The following CMIP variants were observed in gnomAD, a reference collection of about 807,000 sequenced individuals.
CMIP encodes the protein C-Maf-inducing protein.
In CMIP, 13 loss-of-function variants were observed where a neutral mutation model predicts 97.3. The observed-to-expected ratio is 0.13, with a 90% CI of 0.09 to 0.21. CMIP has a LOEUF of 0.21. Among genes scored for constraint, CMIP ranks in the 10% least tolerant of loss-of-function variants. The pLI, the probability that CMIP is intolerant of heterozygous loss-of-function variation, is 1.00. For missense variants in CMIP, 847 were observed against 1,024.9 expected (o/e 0.83, Z 2.37); for synonymous variants, 538 against 436.3 (o/e 1.23, Z -2.91).
rs1182125958 is a variant in CMIP at position 81,530,006 on chromosome 16, A to G, written c.301-77561A>G. Among the ~76,000 whole-genome samples, 3 of 152,228 alleles carry G rather than the reference A, an allele frequency of 2.0e-5. No individual in the cohort carries two copies. In the East Asian group the frequency reaches 5.8e-4, roughly 29 times the overall value. On this transcript the variant is annotated intron_variant, in intron 1 of 20. Coordinates refer to ENST00000537098, the MANE Select transcript of CMIP (RefSeq NM_198390.3). ...TGAAAACCTTTGTACGAGGGTCCGC[A>G]TTAACAGTGAGAGGATAGGGTTTTT...
At chr16:81,511,945 T>C (rs1274387882) in intron 1 of CMIP, among the ~76,000 whole-genome samples, 1 of 152,210 alleles carries the variant, frequency 6.6e-6, no homozygotes, top group Non-Finnish European at 1.5e-5. Flanking sequence ...GAGGTCCTCA[T>C]TGAGATGTGC....
rs186954137 is a variant in CMIP, at chr16:81,550,940, T to C, written c.301-56627T>C. ...CCAGTTCCGTCACATATATCCCAGT[T>C]CCGTCACACACACCCCAGTCCCGTC... On this transcript the variant is annotated intron_variant, in intron 1 of 20. Transcript: ENST00000537098. 2.1e-3 allele frequency among the ~76,000 whole-genome samples: 273 copies of C among 132,656 alleles called. 1 individual carries two copies. The highest frequency in any genetic ancestry group is 7.8e-3 in the African/African-American group (262 of 33,752). 87.0% of individuals were successfully genotyped at this position (132,656 alleles called of 152,430 possible).
intron 20 of CMIP, among the ~76,000 whole-genome samples, chr16:81,708,345 A>G (rs1908382989): frequency 6.6e-6 from 1 of 152,224 alleles, no homozygotes; most frequent in South Asian, 2.1e-4. Flanking sequence ...AGGCCACCCC[A>G]GGTAACCCCA....
chr16:81,530,169 A>G (rs936569914), intron 1 of CMIP, among the ~76,000 whole-genome samples: 3 of 152,176 alleles, frequency 2.0e-5, no homozygotes, highest in Admixed American at 6.5e-5. Context: ...AGACTCATTC[A>G]GGATCAAGGA....
At chr16:81,593,827 C>T (rs138950160) in intron 1 of CMIP, among the ~76,000 whole-genome samples, 178 of 152,280 alleles carry the variant, frequency 1.2e-3, no homozygotes, top group African/African-American at 3.8e-3. Flanking sequence ...TCATAGTTAC[C>T]TGTATCAGAT....
intron 1 of CMIP, among the ~76,000 whole-genome samples, chr16:81,525,984 G>A (rs919621969): frequency 3.2e-5 from 1 of 31,278 alleles, no homozygotes; most frequent in African/African-American, 2.1e-4. Context: ...ATACGTGTGT[G>A]TGTGTGTGTG....
At chr16:81,490,766 G>A (rs2089392506) in intron 1 of CMIP, among the ~76,000 whole-genome samples, 1 of 152,116 alleles carries the variant, frequency 6.6e-6, no homozygotes, top group African/African-American at 2.4e-5. Flanking sequence ...GGAGGGTGAA[G>A]GAGGGAGCCA....
In CMIP at chr16:81,494,590, T is replaced by C. The variant is rs115236551; in HGVS notation, c.300+49049T>C. Among the ~76,000 whole-genome samples the C allele has an allele frequency of 5.3e-3, 809 of 152,256 alleles. 8 individuals carry two copies. The highest frequency in any genetic ancestry group is 0.019 in the African/African-American group (774 of 41,544). On this transcript the variant is annotated intron_variant, in intron 1 of 20. Transcript: ENST00000537098. Reference sequence around the variant, plus strand: ...CAGGAGGAGCCCCAGCCGGCTCCCGTTCTGAGGAGGCACCTGTGGGCATGG... The same window carrying C: ...CAGGAGGAGCCCCAGCCGGCTCCCGCTCTGAGGAGGCACCTGTGGGCATGG...
chr16:81,448,777 A>C (rs1906025643), intron 1 of CMIP, among the ~76,000 whole-genome samples: 1 of 152,240 alleles, frequency 6.6e-6, no homozygotes, highest in Non-Finnish European at 1.5e-5. Flanking sequence ...GGGAGGGGAG[A>C]TAGGGAGGCC....
chr16:81,623,196 C>T (rs548570201), intron 3 of CMIP, among the ~76,000 whole-genome samples: 1 of 152,164 alleles, frequency 6.6e-6, no homozygotes, highest in Admixed American at 6.5e-5. Flanking sequence ...AGAGTGAGAC[C>T]CCCATGCCCC....
At chr16:81,456,577 C>G (rs974542297) in intron 1 of CMIP, among the ~76,000 whole-genome samples, 2 of 151,454 alleles carry the variant, frequency 1.3e-5, no homozygotes, top group African/African-American at 2.5e-5. Context: ...CTAATCCTCA[C>G]GATGCCCCTG....
At chr16:81,625,206 G>C in intron 3 of CMIP, among the ~76,000 whole-genome samples, 1 of 152,232 alleles carries the variant, frequency 6.6e-6, no homozygotes, top group Non-Finnish European at 1.5e-5. Flanking sequence ...AGGAGGCCTG[G>C]AGCCTGCAGG....
At chr16:81,626,610 CGT>C (rs925395762) in intron 3 of CMIP, among the ~76,000 whole-genome samples, 9 of 77,452 alleles carry the variant, frequency 1.2e-4, no homozygotes, top group East Asian at 4.4e-4. Flanking sequence ...TGACGGTGTG[CGT>C]GTGTGTGTGG....
chr16:81,607,537 A>T, intron 1 of CMIP, 30 bp from the exon 2 acceptor site: 7 of 1,611,530 alleles, frequency 4.3e-6, no homozygotes, highest in Non-Finnish European at 5.9e-6. Flanking sequence ...TAACCAATGC[A>T]TATCTCTTCT....
At chr16:81,493,204 C>T (rs907693327) in intron 1 of CMIP, among the ~76,000 whole-genome samples, 1 of 152,110 alleles carries the variant, frequency 6.6e-6, no homozygotes, top group African/African-American at 2.4e-5. Context: ...GGTGATGGAG[C>T]CACCACACCG....
At chr16:81,565,817 C>T (rs1197132960) in intron 1 of CMIP, among the ~76,000 whole-genome samples, 3 of 152,204 alleles carry the variant, frequency 2.0e-5, no homozygotes, top group Admixed American at 6.5e-5. Context: ...TTCTGGGGCA[C>T]GGCGCCGCCT....
chr16:81,656,206 C>T (rs557766501), intron 4 of CMIP, among the ~76,000 whole-genome samples: 1 of 152,340 alleles, frequency 6.6e-6, no homozygotes, highest in South Asian at 2.1e-4. Flanking sequence ...GCTTCACGGC[C>T]TCCCGCAGCC....
At chr16:81,699,236 A>G (rs2151093121) in intron 14 of CMIP, among the ~76,000 whole-genome samples, 1 of 152,310 alleles carries the variant, frequency 6.6e-6, no homozygotes, top group South Asian at 2.1e-4. Context: ...AGCCTGGACA[A>G]TAGAGCGAGA....
At chr16:81,636,133 C>G (rs1248545602) in intron 3 of CMIP, among the ~76,000 whole-genome samples, 1 of 151,970 alleles carries the variant, frequency 6.6e-6, no homozygotes, top group African/African-American at 2.4e-5. Context: ...CACCATGATA[C>G]AGGTGTGCGG....
Sources: allele counts gnomAD v4.1 joint callset (sites outside exome capture counted in the v4.1 genomes callset), GRCh38; gene constraint gnomAD v4.1.1; transcripts MANE v1.5; gene names NCBI Gene and HGNC (gene_info 2026-07-23, HGNC 2026-07-21).